TENM3: variants seen among roughly 807,000 people sequenced by gnomAD.
TENM3 encodes teneurin-3.
In TENM3, 63 loss-of-function variants were observed where a neutral mutation model predicts 255.1. That is an observed-to-expected ratio of 0.25 (90% CI 0.20 to 0.30). The LOEUF (loss-of-function observed/expected upper bound fraction) is 0.30. Among genes scored for constraint, TENM3 ranks in the 10% least tolerant of loss-of-function variants. The pLI is 1.00. For synonymous variants in TENM3, 1,306 were observed against 1,322.3 expected (o/e 0.99, Z 0.27); for missense variants, 2,929 against 3,461.1 (o/e 0.85, Z 3.86).
chr4:181,650,798 T>C, the TENM3 span, among the ~76,000 whole-genome samples: 1 of 152,322 alleles, frequency 6.6e-6, no homozygotes, highest in Non-Finnish European at 1.5e-5. Flanking sequence ...CAAGAGCAAA[T>C]GCCTCATTCC....
the TENM3 span, among the ~76,000 whole-genome samples, chr4:181,928,731 G>T: frequency 2.0e-5 from 3 of 151,988 alleles, no homozygotes; most frequent in Non-Finnish European, 4.4e-5. Context: ...TAATTTTCAG[G>T]TTCACCAAGG....
chr4:182,175,314 A>AAATATAT (rs60217194), intron 1 of TENM3, among the ~76,000 whole-genome samples: 78 of 117,566 alleles, frequency 6.6e-4, no homozygotes, highest in South Asian at 1.1e-3. Context: ...AAAAAAAAAA[A>AAATATAT]ATATATATAT....
chr4:181,686,214 T>C, the TENM3 span, among the ~76,000 whole-genome samples: 1 of 152,122 alleles, frequency 6.6e-6, no homozygotes, highest in Non-Finnish European at 1.5e-5. Context: ...TACCCAGACA[T>C]CCCGACAGCA....
rs369042857 is a variant in TENM3 at position 182,183,733 on chromosome 4, C to T, written c.-76+38979C>T. Among the ~76,000 whole-genome samples, 13 of 152,200 alleles carry T rather than the reference C, an allele frequency of 8.5e-5. No individual in the cohort carries two copies. The East Asian group carries it at 2.5e-3, about 29-fold the overall frequency. On this transcript the variant is annotated intron_variant, in intron 1 of 2. Coordinates refer to the TENM3 transcript ENST00000512480. ...CATACTAAGATTGTGGAAGTTATTTCTGAAAAAGCAGCTAACCTTATCTAG... is the reference window on the plus strand; with the variant it reads ...CATACTAAGATTGTGGAAGTTATTTTTGAAAAAGCAGCTAACCTTATCTAG...
chr4:181,791,329 A>G, the TENM3 span, among the ~76,000 whole-genome samples: 8 of 152,236 alleles, frequency 5.3e-5, no homozygotes, highest in Non-Finnish European at 1.2e-4. Flanking sequence ...ATGAAATAAT[A>G]GACTTTAAAT....
At chr4:182,144,579 T>TCGCGCCCCCTC (rs1403384471), upstream of TENM3, 2 of 147,300 alleles carry the variant, frequency 1.4e-5, no homozygotes, top group Non-Finnish European at 3.0e-5. Flanking sequence ...GTTGTAACAC[T>TCGCGCCCCCTC]CGCGCCCCCT....
At chr4:182,767,067 GCT>G (rs746809319) in intron 22 of TENM3, among the ~76,000 whole-genome samples, 6 of 152,128 alleles carry the variant, frequency 3.9e-5, no homozygotes, top group Admixed American at 2.0e-4. Flanking sequence ...GTAGGCGACT[GCT>G]CTGTTTCCCT....
the TENM3 span, among the ~76,000 whole-genome samples, chr4:181,888,568 G>GTA: frequency 1.2e-4 from 8 of 66,286 alleles, no homozygotes; most frequent in South Asian, 4.6e-4. Flanking sequence ...ATACATATAT[G>GTA]TATATATATA....
chr4:181,932,556 A>G, the TENM3 span, among the ~76,000 whole-genome samples: 2 of 152,204 alleles, frequency 1.3e-5, no homozygotes, highest in Non-Finnish European at 2.9e-5. Flanking sequence ...ACACTTTAAC[A>G]CCGTTGGTGG....
the TENM3 span, among the ~76,000 whole-genome samples, chr4:181,712,035 C>T: frequency 6.6e-6 from 1 of 151,964 alleles, no homozygotes; most frequent in African/African-American, 2.4e-5. Flanking sequence ...GGTCAAATTC[C>T]CCATTTTTAG....
At chr4:182,577,984 T>TG (rs1299058975) in intron 3 of TENM3, among the ~76,000 whole-genome samples, 1 of 152,008 alleles carries the variant, frequency 6.6e-6, no homozygotes, top group African/African-American at 2.4e-5. Context: ...CAATTTAATT[T>TG]TTTTTTTTTT....
chr4:182,472,870 C>T (rs1733269630), intron 3 of TENM3, among the ~76,000 whole-genome samples: 1 of 152,108 alleles, frequency 6.6e-6, no homozygotes, highest in Non-Finnish European at 1.5e-5. Flanking sequence ...TGCATGCCAT[C>T]ATGCCCGGTT....
At chr4:182,099,406 AAG>A in the TENM3 span, among the ~76,000 whole-genome samples, 1 of 152,182 alleles carries the variant, frequency 6.6e-6, no homozygotes, top group Non-Finnish European at 1.5e-5. Flanking sequence ...TGAATTAGAG[AAG>A]AATCTAGACC....
the TENM3 span, among the ~76,000 whole-genome samples, chr4:181,744,860 A>G: frequency 6.6e-6 from 1 of 152,224 alleles, no homozygotes; most frequent in African/African-American, 2.4e-5. Flanking sequence ...ACTAAGGTAA[A>G]GAAGACTAGG....
the TENM3 span, among the ~76,000 whole-genome samples, chr4:181,722,224 G>A: frequency 6.6e-6 from 1 of 152,194 alleles, no homozygotes; most frequent in Non-Finnish European, 1.5e-5. Flanking sequence ...AGGGAAATGG[G>A]TGTTTTAAGA....
At chr4:182,731,843 A>G (rs13150898) in intron 16 of TENM3, among the ~76,000 whole-genome samples, 27,501 of 149,426 alleles carry the variant, frequency 0.18, 2,978 homozygotes, top group East Asian at 0.49. Context: ...GTGCAGTGGC[A>G]CGATCTCGGC....
At chr4:182,173,426 G>T (rs1430112439) in intron 1 of TENM3, among the ~76,000 whole-genome samples, 1 of 152,118 alleles carries the variant, frequency 6.6e-6, no homozygotes, top group Non-Finnish European at 1.5e-5. Flanking sequence ...GAATAAATTT[G>T]TCCCTGGAAA....
At chr4:182,685,009 T>TCTG (rs1451451330) in intron 11 of TENM3, among the ~76,000 whole-genome samples, 1 of 152,172 alleles carries the variant, frequency 6.6e-6, no homozygotes, top group Non-Finnish European at 1.5e-5. Context: ...GACAGATTTA[T>TCTG]CTGCTACTCT....
intron 1 of TENM3, among the ~76,000 whole-genome samples, chr4:182,199,349 G>A (rs1400079544): frequency 1.3e-5 from 2 of 152,044 alleles, no homozygotes; most frequent in Non-Finnish European, 2.9e-5. Context: ...CTGAACCCAG[G>A]ATGCGGAGGT....
Sources: allele counts gnomAD v4.1 joint callset (sites outside exome capture counted in the v4.1 genomes callset), GRCh38; gene constraint gnomAD v4.1.1; transcripts MANE v1.5; gene names NCBI Gene and HGNC (gene_info 2026-07-23, HGNC 2026-07-21).